Variants in TBK1 observed in about 807,000 individuals in gnomAD.
TBK1 encodes the protein serine/threonine-protein kinase TBK1.
In TBK1, 37 loss-of-function variants were observed where a neutral mutation model predicts 99.9. The ratio of observed to expected loss-of-function variants is 0.37; its 90% CI spans 0.28 to 0.49. The LOEUF (loss-of-function observed/expected upper bound fraction) is 0.49, where lower values mean the gene tolerates loss of function less well. Among genes scored for constraint, TBK1 ranks in the 20% least tolerant of loss-of-function variants. TBK1 has a pLI of 0.98. For missense variants in TBK1, 644 were observed against 872.5 expected (o/e 0.74, Z 3.30); for synonymous variants, 258 against 279.8 (o/e 0.92, Z 0.78).
chr12:64,460,543 C>T (rs972198289), intron 3 of TBK1, among the ~76,000 whole-genome samples: 10 of 151,890 alleles, frequency 6.6e-5, no homozygotes, highest in Middle Eastern at 3.4e-3. Context: ...TAAAAGGGGG[C>T]GGCCGGCTGC....
At chr12:64,475,164 T>C (rs918150834) in intron 6 of TBK1, among the ~76,000 whole-genome samples, 1 of 152,188 alleles carries the variant, frequency 6.6e-6, no homozygotes, top group South Asian at 2.1e-4. Context: ...TTGGCAGTAA[T>C]GTAACATTAA....
In TBK1 at chr12:64,496,938, C is replaced by T. The variant is rs145696668; in HGVS notation, c.1761-11C>T. ...CATTGGTTTAAGCCTCTGATTATTTCTAAATTACAGGCAAAAACTGTATTA... is the reference window on the plus strand; with the variant it reads ...CATTGGTTTAAGCCTCTGATTATTTTTAAATTACAGGCAAAAACTGTATTA... On this transcript the variant is annotated splice_polypyrimidine_tract_variant and intron_variant, in intron 16 of 20. Coordinates refer to ENST00000331710, the MANE Select transcript of TBK1 (RefSeq NM_013254.4). 896 of 1,595,920 alleles carry T rather than the reference C, an allele frequency of 5.6e-4. 6 individuals are homozygous for T. In the African/African-American group the frequency reaches 0.011, roughly 19 times the overall value.
chr12:64,491,375 C>CTT (rs1338847023), intron 13 of TBK1, among the ~76,000 whole-genome samples: 2 of 152,116 alleles, frequency 1.3e-5, no homozygotes, highest in African/African-American at 4.8e-5. Context: ...AATCCCAGCA[C>CTT]TTTGGGAGGC....
chr12:64,492,985 T>C (rs960336078), intron 13 of TBK1, among the ~76,000 whole-genome samples: 150 of 146,960 alleles, frequency 1.0e-3, no homozygotes, highest in African/African-American at 3.6e-3. Flanking sequence ...AAGCTCCGCC[T>C]CCTGGGTTCA....
At chr12:64,490,604 C>T (rs1398881198) in intron 13 of TBK1, among the ~76,000 whole-genome samples, 3 of 152,110 alleles carry the variant, frequency 2.0e-5, no homozygotes, top group Non-Finnish European at 4.4e-5. Flanking sequence ...TGTAATTTCA[C>T]ATGCAGTTGA....
chr12:64,491,061 T>C (rs1173260571), intron 13 of TBK1, among the ~76,000 whole-genome samples: 1 of 152,190 alleles, frequency 6.6e-6, no homozygotes, highest in Non-Finnish European at 1.5e-5. Flanking sequence ...GTCTCTACTC[T>C]GCTGAAAAAT....
intron 15 of TBK1, 139 bp downstream of exon 15, chr12:64,495,914 G>T: frequency 9.4e-6 from 5 of 529,792 alleles, no homozygotes; most frequent in South Asian, 3.6e-5. Context: ...TCAGGAAAAA[G>T]GTTGATTGTG....
intron 3 of TBK1, among the ~76,000 whole-genome samples, chr12:64,461,033 T>C (rs1350889182): frequency 1.3e-5 from 2 of 151,584 alleles, no homozygotes; most frequent in Non-Finnish European, 2.9e-5. Context: ...GTGAACCATA[T>C]TGTGCCACTG....
Position 64,490,029 on chromosome 12 carries a change from CTT to C in TBK1, c.1443-9_1443-8del. The C allele has an allele frequency of 3.2e-6, 5 of 1,586,778 alleles. No homozygotes were observed. Among genetic ancestry groups the C allele is most frequent in the Non-Finnish European group, 4.3e-6 (5 of 1,164,928 alleles). ...ATACTCATTTAATTTTCTCTTTTGA[CTT>C]TTCATACAGATATGAAAAGTTGATG... On this transcript the variant is annotated splice_polypyrimidine_tract_variant and intron_variant, in intron 12 of 20. Coordinates refer to ENST00000331710, the MANE Select transcript of TBK1 (RefSeq NM_013254.4).
At position 64,455,929 on chromosome 12, in the gene TBK1, C is replaced by G; in HGVS notation, c.59C>G (p.Thr20Ser). 6.2e-7 allele frequency: 1 copy of G among 1,613,764 alleles called. No individual in the cohort carries two copies. The highest frequency in any genetic ancestry group is 8.5e-7 in the Non-Finnish European group (1 of 1,179,872). ...LLSDILGQGA[T>S]ANVFRGRHKK... ...TCTGATATTTTAGGCCAAGGAGCTACTGCAAATGTCTTTCGTGGAAGACAT... is the reference window on the plus strand; with the variant it reads ...TCTGATATTTTAGGCCAAGGAGCTAGTGCAAATGTCTTTCGTGGAAGACAT... Residue 20 changes from threonine (T) to serine (S), a missense_variant, in exon 2 of 21, where the codon ACT becomes AGT. Physicochemically the swap from Thr to Ser is moderately conservative, Grantham distance 58. Around this residue, in one of 3 missense-constraint regions of TBK1, gnomAD observed 148 missense variants for 202.1 expected, o/e 0.73. Transcript: ENST00000331710.
At chr12:64,486,452 T>C (rs939040238) in intron 11 of TBK1, among the ~76,000 whole-genome samples, 1 of 152,090 alleles carries the variant, frequency 6.6e-6, no homozygotes, top group Non-Finnish European at 1.5e-5. Context: ...TTTTTTTCTT[T>C]TTGAGACAGG....
chr12:64,500,389 T>G (rs2040976769), intron 20 of TBK1, among the ~76,000 whole-genome samples: 1 of 152,154 alleles, frequency 6.6e-6, no homozygotes, highest in Non-Finnish European at 1.5e-5. Context: ...CTCAACAAGT[T>G]TGGCTCCCAT....
chr12:64,467,939 A>G (rs902815438), intron 5 of TBK1, among the ~76,000 whole-genome samples: 1 of 152,188 alleles, frequency 6.6e-6, no homozygotes, highest in Non-Finnish European at 1.5e-5. Flanking sequence ...TCATGCCTAT[A>G]ATTCCAACAC....
chr12:64,473,685 A>G (rs764009256), intron 5 of TBK1, among the ~76,000 whole-genome samples: 5 of 152,094 alleles, frequency 3.3e-5, no homozygotes, highest in Non-Finnish European at 5.9e-5. Flanking sequence ...CAGTACTTTG[A>G]AAGGCCAAGG....
intron 4 of TBK1, 133 bp downstream of exon 4, chr12:64,464,596 C>A (rs1324548635): frequency 3.1e-6 from 2 of 639,416 alleles, no homozygotes; most frequent in Non-Finnish European, 4.6e-6. Flanking sequence ...AGCACAAATA[C>A]CAGAAATACA....
In TBK1 at chr12:64,497,035, CAGA is replaced by C; in HGVS notation, c.1852_1854del (p.Glu618del). The stretch of plus-strand genomic sequence containing the variant: ...AAGTATGAGGCATTTTTGAATAAGT[CAGA>C]AGAATGGATAAGGTGAGTAAACTTC... On this transcript the variant is annotated inframe_deletion, in exon 17 of 21. Transcript: ENST00000331710. The C allele has an allele frequency of 1.2e-6, 2 of 1,612,262 alleles. No homozygotes were observed. Among genetic ancestry groups the C allele is most frequent in the Non-Finnish European group, 1.7e-6 (2 of 1,178,880 alleles).
chr12:64,493,593 C>G (rs1013401608), intron 13 of TBK1, among the ~76,000 whole-genome samples: 2 of 151,990 alleles, frequency 1.3e-5, no homozygotes, highest in African/African-American at 4.8e-5. Flanking sequence ...TGCCACTGTC[C>G]TCCAGCCTGG....
chr12:64,473,453 G>C lies in TBK1; in HGVS notation c.541-777G>C, dbSNP rs150028196. 1.7e-4 allele frequency among the ~76,000 whole-genome samples: 26 copies of C among 152,310 alleles called. No homozygotes were observed. In the East Asian group the frequency reaches 5.0e-3, roughly 29 times the overall value. ...AAATGGGAGATATTAAAGCATGTTT[G>C]TAAGCAGAAAGTAATGAATCAGAAC... On this transcript the variant is annotated intron_variant, in intron 5 of 20. Coordinates refer to ENST00000331710, the MANE Select transcript of TBK1 (RefSeq NM_013254.4).
chr12:64,487,814 G>A (rs2040833797), intron 11 of TBK1, among the ~76,000 whole-genome samples: 1 of 152,160 alleles, frequency 6.6e-6, no homozygotes, highest in South Asian at 2.1e-4. Flanking sequence ...CATACAAAAA[G>A]CAGGCCTCAA....
Sources: gnomAD v4.1 joint callset for allele counts (sites outside exome capture counted in the v4.1 genomes callset) on GRCh38, gnomAD v4.1.1 for gene constraint, gnomAD v4.1.1 regional missense constraint, MANE v1.5 for transcripts, NCBI Gene and HGNC (gene_info 2026-07-23, HGNC 2026-07-21) for gene names.